PCDH15: variants seen among roughly 807,000 people sequenced by gnomAD.
PCDH15 encodes the protein protocadherin related 15, also known as protocadherin-15.
In PCDH15, 129 loss-of-function variants were observed where a neutral mutation model predicts 178.5. The observed-to-expected ratio is 0.72, with a 90% CI of 0.63 to 0.84. PCDH15 has a LOEUF of 0.84. Among genes scored for constraint, PCDH15 ranks in the 40% least tolerant of loss-of-function variants. PCDH15 has a pLI of 0.00. For synonymous variants in PCDH15, 800 were observed against 732.0 expected (o/e 1.09, Z -1.50); for missense variants, 2,230 against 2,099.9 (o/e 1.06, Z -1.21).
At chr10:54,185,858 A>C (rs1284535673) in intron 11 of PCDH15, among the ~76,000 whole-genome samples, 1 of 152,068 alleles carries the variant, frequency 6.6e-6, no homozygotes, top group Non-Finnish European at 1.5e-5. Context: ...CTTTAATTAA[A>C]ATATTTCAGA....
chr10:54,367,644 C>CTGTT (rs751743526), intron 5 of PCDH15, among the ~76,000 whole-genome samples: 2 of 151,614 alleles, frequency 1.3e-5, no homozygotes, highest in Non-Finnish European at 2.9e-5. Context: ...CATCACACAC[C>CTGTT]GGGGCCTGTT....
intron 5 of PCDH15, among the ~76,000 whole-genome samples, chr10:54,364,938 T>G (rs1483242661): frequency 6.6e-6 from 1 of 152,172 alleles, no homozygotes; most frequent in Admixed American, 6.6e-5. Flanking sequence ...ATAGCTCCAC[T>G]GGTGTTCAAA....
intron 37 of PCDH15, among the ~76,000 whole-genome samples, chr10:53,809,798 G>A (rs1274615473): frequency 6.6e-6 from 1 of 152,016 alleles, no homozygotes; most frequent in Admixed American, 6.6e-5. Context: ...GTTACTCAAC[G>A]TTTAATTTTC....
intron 1 of PCDH15, among the ~76,000 whole-genome samples, chr10:55,279,795 T>C (rs1842681709): frequency 6.6e-6 from 1 of 152,166 alleles, no homozygotes; most frequent in Non-Finnish European, 1.5e-5. Flanking sequence ...CCATGAGTGA[T>C]CATATTGAGG....
intron 6 of PCDH15, among the ~76,000 whole-genome samples, chr10:54,334,682 AACACAC>A (rs3069761): frequency 0.12 from 17,678 of 149,790 alleles, 1,109 homozygotes; most frequent in Middle Eastern, 0.21. Context: ...ATTTCTAAAG[AACACAC>A]ACACACACAC....
At chr10:55,572,870 G>A (rs1400814288) in intron 2 of PCDH15, among the ~76,000 whole-genome samples, 9 of 152,054 alleles carry the variant, frequency 5.9e-5, no homozygotes, top group Admixed American at 5.9e-4. Context: ...GGTACCCGAA[G>A]AGCAGCAAGA....
chr10:54,338,957 T>C (rs570186490), intron 6 of PCDH15, among the ~76,000 whole-genome samples: 1 of 152,314 alleles, frequency 6.6e-6, no homozygotes, highest in South Asian at 2.1e-4. Flanking sequence ...TCAGAATACC[T>C]ATATTTAGAT....
At chr10:54,950,085 G>A (rs191014537) in intron 2 of PCDH15, among the ~76,000 whole-genome samples, 42 of 151,922 alleles carry the variant, frequency 2.8e-4, no homozygotes, top group African/African-American at 9.4e-4. Flanking sequence ...CTATTATCTC[G>A]ATACCAATTT....
chr10:55,623,113 A>C (rs148904448), intron 2 of PCDH15, among the ~76,000 whole-genome samples: 166 of 152,186 alleles, frequency 1.1e-3, no homozygotes, highest in African/African-American at 3.9e-3. Flanking sequence ...CTCCTGCTCT[A>C]TATATTTTTT....
At chr10:54,545,120 C>G (rs1200461440) in intron 2 of PCDH15, among the ~76,000 whole-genome samples, 1 of 152,082 alleles carries the variant, frequency 6.6e-6, no homozygotes, top group Non-Finnish European at 1.5e-5. Context: ...AAAAAAGACA[C>G]CTGGCTAAAG....
intron 15 of PCDH15, among the ~76,000 whole-genome samples, chr10:54,104,816 G>A (rs1162235362): frequency 7.8e-6 from 1 of 128,554 alleles, no homozygotes; most frequent in Admixed American, 9.1e-5. Context: ...CAGCCTGGCT[G>A]AGAGAGTGAG....
chr10:55,574,702 G>C (rs1842465304), intron 2 of PCDH15, among the ~76,000 whole-genome samples: 1 of 151,954 alleles, frequency 6.6e-6, no homozygotes, highest in Non-Finnish European at 1.5e-5. Flanking sequence ...AAAATATGGT[G>C]ATAGTATTTT....
intron 2 of PCDH15, among the ~76,000 whole-genome samples, chr10:55,343,716 G>T (rs1170466168): frequency 6.6e-6 from 1 of 151,902 alleles, no homozygotes; most frequent in East Asian, 1.9e-4. Flanking sequence ...TGATCAATTG[G>T]TATTAGCTGA....
At chr10:53,833,626 A>G (rs935994882) in intron 29 of PCDH15, among the ~76,000 whole-genome samples, 19 of 151,800 alleles carry the variant, frequency 1.3e-4, no homozygotes, top group Admixed American at 1.2e-3. Context: ...ACATATTCAG[A>G]TACTATTCAA....
At chr10:54,615,821 CTAT>C (rs1425270259) in intron 2 of PCDH15, among the ~76,000 whole-genome samples, 3 of 152,130 alleles carry the variant, frequency 2.0e-5, no homozygotes, top group Admixed American at 6.6e-5. Context: ...ATTTTATAAT[CTAT>C]TATTAGGTAT....
chr10:54,120,600 T>C (rs7079459), intron 15 of PCDH15, among the ~76,000 whole-genome samples: 104,591 of 151,940 alleles, frequency 0.69, 36,353 homozygotes, highest in East Asian at 0.99. Context: ...AGATCTACTA[T>C]GCAAACAGAA....
At chr10:55,359,773 T>G in intron 2 of PCDH15, among the ~76,000 whole-genome samples, 1 of 140,962 alleles carries the variant, frequency 7.1e-6, no homozygotes, top group East Asian at 2.1e-4. Context: ...CACACACACA[T>G]ATATATATAT....
At chr10:55,004,201 A>G (rs1839868405) in intron 2 of PCDH15, among the ~76,000 whole-genome samples, 1 of 152,126 alleles carries the variant, frequency 6.6e-6, no homozygotes, top group Non-Finnish European at 1.5e-5. Context: ...TAATTATATT[A>G]ACCGTTGATT....
intron 3 of PCDH15, among the ~76,000 whole-genome samples, chr10:54,418,801 G>A (rs61853567): frequency 0.065 from 9,931 of 151,860 alleles, 395 homozygotes; most frequent in Admixed American, 0.12. Flanking sequence ...ATATTTGTAA[G>A]TCTTATAGGT....
Sources: gnomAD v4.1 joint callset for allele counts (sites outside exome capture counted in the v4.1 genomes callset) on GRCh38, gnomAD v4.1.1 for gene constraint, MANE v1.5 for transcripts, NCBI Gene and HGNC (gene_info 2026-07-23, HGNC 2026-07-21) for gene names.